GPC3: variants seen among roughly 807,000 people sequenced by gnomAD.
The protein encoded by GPC3 is glypican-3.
GPC3 carries 3 observed loss-of-function variants against 34.4 expected under a neutral mutation model. That is an observed-to-expected ratio of 0.09 (90% confidence interval 0.04 to 0.23). The LOEUF (loss-of-function observed/expected upper bound fraction) is 0.23, where lower values mean the gene tolerates loss of function less well. GPC3 is among the 10% of genes least tolerant of loss of function. The pLI, the probability that GPC3 is intolerant of heterozygous loss-of-function variation, is 1.00. For synonymous variants in GPC3, 177 were observed against 174.0 expected, an observed-to-expected ratio of 1.02 and a Z score of -0.13; for missense variants, 351 against 445.6, an observed-to-expected ratio of 0.79 and a Z score of 1.91.
chrX:133,536,632 AG>A (rs1484287569), intron 7 of GPC3, among the ~76,000 whole-genome samples: 9 of 110,284 alleles, frequency 8.2e-5, no homozygotes, highest in Non-Finnish European at 1.3e-4. Context: ...CTCCCAGGCA[AG>A]GTTTTGCTTG....
chrX:133,570,852 G>T (rs1183243054), intron 7 of GPC3, among the ~76,000 whole-genome samples: 1 of 110,879 alleles, frequency 9.0e-6, no homozygotes, highest in East Asian at 2.9e-4. Context: ...TCAGAGACAG[G>T]ATATTCTGTG....
chrX:133,728,365 G>GGAA (rs1379273451), intron 3 of GPC3, among the ~76,000 whole-genome samples: 1 of 110,304 alleles, frequency 9.1e-6, no homozygotes, highest in Non-Finnish European at 1.9e-5. Flanking sequence ...GAAAGGAGGA[G>GGAA]GGAAGGAAAG....
At chrX:133,732,693 A>G (rs1029168766) in intron 3 of GPC3, among the ~76,000 whole-genome samples, 4 of 111,288 alleles carry the variant, frequency 3.6e-5, no homozygotes, top group African/African-American at 1.3e-4. Context: ...AAAGAAAAAC[A>G]AATACACAGT....
intron 3 of GPC3, among the ~76,000 whole-genome samples, chrX:133,752,262 G>A (rs957756879): frequency 3.6e-5 from 4 of 111,570 alleles, no homozygotes; most frequent in Admixed American, 1.9e-4. Flanking sequence ...ATATTGATTT[G>A]ACCTTTACAA....
intron 2 of GPC3, among the ~76,000 whole-genome samples, chrX:133,885,335 T>C (rs908724122): frequency 8.9e-6 from 1 of 111,733 alleles, no homozygotes; most frequent in Non-Finnish European, 1.9e-5. Context: ...ATCTTTAAAA[T>C]ATTATTTGGA....
chrX:133,664,796 G>T (rs1170277542), intron 5 of GPC3, among the ~76,000 whole-genome samples: 2 of 92,782 alleles, frequency 2.2e-5, no homozygotes, highest in Non-Finnish European at 4.2e-5. Context: ...AAACAATTAA[G>T]AAACCGAACC....
intron 6 of GPC3, among the ~76,000 whole-genome samples, chrX:133,607,351 AGGACATGTTT>A (rs1181626564): frequency 3.6e-5 from 4 of 111,860 alleles, no homozygotes; most frequent in Non-Finnish European, 7.5e-5. Context: ...GTGGGTGCTC[AGGACATGTTT>A]GGTAACTGAA....
rs781232455 is a variant in GPC3, at chrX:133,985,357, C to T, written c.93G>A (p.Pro31=). 1.3e-4 allele frequency: 148 copies of T among 1,171,753 alleles called. No homozygotes were observed. The highest frequency in any genetic ancestry group is 1.6e-4 in the Non-Finnish European group (143 of 869,126). The part of the protein sequence containing the change: ...PGQAQPPPPP[P]DATCHQVRSF... The stretch of plus-strand genomic sequence containing the variant: ...AGCGGACTTGGTGACAGGTGGCGTC[C>T]GGCGGCGGCGGCGGGGGCTGCGCCT... The change falls in exon 1 of 8, where the codon CCG becomes CCA. Residue 31 remains proline, a synonymous_variant. Coordinates refer to ENST00000370818, the MANE Select transcript of GPC3 (RefSeq NM_004484.4).
chrX:133,794,208 A>C (rs1008095006), intron 2 of GPC3, among the ~76,000 whole-genome samples: 1 of 112,075 alleles, frequency 8.9e-6, no homozygotes, highest in Non-Finnish European at 1.9e-5. Flanking sequence ...GGGTGTGGAC[A>C]CCAGTAAGCA....
chrX:133,568,398 C>T (rs780196789), intron 7 of GPC3, among the ~76,000 whole-genome samples: 3 of 112,176 alleles, frequency 2.7e-5, no homozygotes, highest in Non-Finnish European at 3.8e-5. Flanking sequence ...TCAAGGACAG[C>T]TACAATTGAG....
At chrX:133,620,110 C>T (rs2070215018) in intron 6 of GPC3, among the ~76,000 whole-genome samples, 1 of 105,514 alleles carries the variant, frequency 9.5e-6, no homozygotes, top group African/African-American at 3.5e-5. Flanking sequence ...ATCCCAGCTA[C>T]TTGGGAGGCT....
At chrX:133,777,572 A>T (rs1020388395) in intron 2 of GPC3, among the ~76,000 whole-genome samples, 1 of 111,797 alleles carries the variant, frequency 8.9e-6, no homozygotes. Context: ...GTTTATTTTC[A>T]TCTATTGTTT....
At chrX:133,835,532 T>C (rs1362648881) in intron 2 of GPC3, among the ~76,000 whole-genome samples, 1 of 112,099 alleles carries the variant, frequency 8.9e-6, no homozygotes. Flanking sequence ...CTCTCTTGTC[T>C]ACCACTGACC....
chrX:133,918,832 G>A (rs2076235548), intron 2 of GPC3, among the ~76,000 whole-genome samples: 1 of 112,092 alleles, frequency 8.9e-6, no homozygotes, highest in African/African-American at 3.2e-5. Context: ...ACTATCAAAA[G>A]ATGCTGTCTC....
At position 133,697,825 on chromosome X, in the gene GPC3, T is replaced by C. The variant is rs1488123215; in HGVS notation, c.1166+2070A>G. Among the ~76,000 whole-genome samples, 4 of 111,970 alleles carry C rather than the reference T, an allele frequency of 3.6e-5. No homozygotes were observed. The Admixed American group carries it at 3.8e-4, about 11-fold the overall frequency. On this transcript the variant is annotated intron_variant, in intron 4 of 7. Transcript: ENST00000370818. ...GTTCAGAGTGGGTGGGAGTAGGCAT[T>C]GATTTTGGACTAGGGGAGCTGAGGT...
In GPC3 at chrX:133,687,383, GTTTTTTTT is replaced by G. The variant is rs1189478107; in HGVS notation, c.1292+4978_1292+4985del. On this transcript the variant is annotated intron_variant, in intron 5 of 7. Coordinates refer to ENST00000370818, the MANE Select transcript of GPC3 (RefSeq NM_004484.4). ...TGTGGAATGAGCCTGAATTATCAGAGTTTTTTTTTTTTTTTTTTTTTTTTTTGAGATGG... is the reference window on the plus strand; with the variant it reads ...TGTGGAATGAGCCTGAATTATCAGAGTTTTTTTTTTTTTTTTTTGAGATGG... Among the ~76,000 whole-genome samples, 5 of 50,211 alleles carry G rather than the reference GTTTTTTTT, an allele frequency of 1.0e-4. No individual in the cohort carries two copies. In the East Asian group the frequency reaches 2.1e-3, roughly 21 times the overall value. The allele number at this position is 50,211 out of a possible 115,157, so 43.6% of individuals were successfully genotyped here. A position where few individuals can be genotyped will look rare whatever the true frequency, so the allele number is the denominator to read the frequency against.
At chrX:133,671,148 T>A (rs2070823110) in intron 5 of GPC3, 1 of 1,042,032 alleles carries the variant, frequency 9.6e-7, no homozygotes, top group Admixed American at 2.2e-5. Flanking sequence ...CCAGATGTCA[T>A]CTTTGTATTT....
At chrX:133,947,636 T>C (rs892935269) in intron 2 of GPC3, among the ~76,000 whole-genome samples, 12 of 111,973 alleles carry the variant, frequency 1.1e-4, no homozygotes, top group African/African-American at 3.6e-4. Flanking sequence ...AATTAAAGAA[T>C]TGCATTTTTA....
At chrX:133,684,501 T>G (rs1172867757) in intron 5 of GPC3, among the ~76,000 whole-genome samples, 2 of 111,854 alleles carry the variant, frequency 1.8e-5, no homozygotes, top group African/African-American at 6.5e-5. Flanking sequence ...ATGACTTTAG[T>G]CTGACTTATG....
Sources: allele counts gnomAD v4.1 joint callset (sites outside exome capture counted in the v4.1 genomes callset), GRCh38; gene constraint gnomAD v4.1.1; transcripts MANE v1.5; gene names NCBI Gene and HGNC (gene_info 2026-07-23, HGNC 2026-07-21).